The following SIPA1L1 variants were observed in gnomAD, a reference collection of about 807,000 sequenced individuals.
The protein encoded by SIPA1L1 is signal induced proliferation associated 1 like 1.
In SIPA1L1, 26 loss-of-function variants were observed where a neutral mutation model predicts 162.7. The observed-to-expected ratio is 0.16, with a 90% CI of 0.12 to 0.22. The LOEUF is 0.22. SIPA1L1 is among the 10% of genes least tolerant of loss of function. The probability of loss-of-function intolerance (pLI) is 1.00; values close to 1 mark genes in which losing one functional copy is unlikely to be tolerated. For synonymous variants in SIPA1L1, 829 were observed against 837.4 expected, an observed-to-expected ratio of 0.99 and a Z score of 0.17; for missense variants, 1,874 against 2,241.0, an observed-to-expected ratio of 0.84 and a Z score of 3.31.
intron 5 of SIPA1L1, among the ~76,000 whole-genome samples, chr14:71,591,573 C>G (rs2035398726): frequency 6.6e-6 from 1 of 152,078 alleles, no homozygotes; most frequent in African/African-American, 2.4e-5. Flanking sequence ...ACCCTTTTAC[C>G]CAGCATAATT....
chr14:71,707,499 C>T (rs1875584675), intron 16 of SIPA1L1, among the ~76,000 whole-genome samples: 1 of 152,124 alleles, frequency 6.6e-6, no homozygotes, highest in African/African-American at 2.4e-5. Flanking sequence ...AGACAGTCAC[C>T]AGTTTCTCTC....
chr14:71,340,722 C>T (rs566944475), intron 2 of SIPA1L1, among the ~76,000 whole-genome samples: 1 of 152,078 alleles, frequency 6.6e-6, no homozygotes, highest in South Asian at 2.1e-4. Context: ...TTGATGTTAC[C>T]TGAGGTCAGG....
intron 2 of SIPA1L1, among the ~76,000 whole-genome samples, chr14:71,460,921 A>G (rs774817529): frequency 2.4e-4 from 36 of 152,328 alleles, no homozygotes; most frequent in Middle Eastern, 3.4e-3. Context: ...CCACCGTTCT[A>G]TCAATCCAGC....
intron 2 of SIPA1L1, among the ~76,000 whole-genome samples, chr14:71,491,810 A>ACC (rs2049295832): frequency 7.8e-6 from 1 of 128,224 alleles, no homozygotes; most frequent in Non-Finnish European, 1.7e-5. Flanking sequence ...ACACACACAC[A>ACC]CACCCCTTCC....
chr14:71,426,613 C>A (rs567492735), intron 2 of SIPA1L1, among the ~76,000 whole-genome samples: 1 of 151,964 alleles, frequency 6.6e-6, no homozygotes, highest in Non-Finnish European at 1.5e-5. Flanking sequence ...CCTCAGCCTC[C>A]TGAGTAGCTG....
At chr14:71,611,862 A>T (rs895472745) in intron 5 of SIPA1L1, among the ~76,000 whole-genome samples, 4 of 152,186 alleles carry the variant, frequency 2.6e-5, no homozygotes, top group African/African-American at 9.7e-5. Flanking sequence ...TGCAATAAAC[A>T]TATGTGTGCA....
At chr14:71,496,148 T>A (rs1471777859) in intron 2 of SIPA1L1, among the ~76,000 whole-genome samples, 2 of 151,900 alleles carry the variant, frequency 1.3e-5, no homozygotes, top group African/African-American at 2.4e-5. Flanking sequence ...ACATGTTGTA[T>A]TTTTGTTTTT....
intron 2 of SIPA1L1, among the ~76,000 whole-genome samples, chr14:71,328,774 A>T (rs2034141645): frequency 6.6e-6 from 1 of 152,194 alleles, no homozygotes; most frequent in South Asian, 2.1e-4. Context: ...CACTTCTTTT[A>T]AAAAAATTGT....
intron 2 of SIPA1L1, among the ~76,000 whole-genome samples, chr14:71,463,087 G>A (rs1280515843): frequency 6.6e-6 from 1 of 152,172 alleles, no homozygotes; most frequent in Non-Finnish European, 1.5e-5. Context: ...TGTCTTCTGC[G>A]CAGGCCAAAT....
rs1367892355 is a variant in SIPA1L1, at chr14:71,672,584, T to C, written c.3066T>C (p.Val1022=). 6.2e-7 allele frequency: 1 copy of C among 1,614,060 alleles called. No individual in the cohort carries two copies. The highest frequency in any genetic ancestry group is 1.3e-5 in the African/African-American group (1 of 74,954). Residue 1022 remains valine, a synonymous_variant, in exon 12 of 24, where the codon GTT becomes GTC. Coordinates refer to ENST00000381232, the MANE Select transcript of SIPA1L1 (RefSeq NM_001386936.1). ...DLLRTSVTVK[V]VIIPPHDDCT... ...TGAGAACATCTGTCACGGTGAAGGT[T>C]GTCATCATTCCCCCGCATGATGACT...
intron 2 of SIPA1L1, among the ~76,000 whole-genome samples, chr14:71,469,202 G>A (rs1461768808): frequency 1.3e-5 from 2 of 151,194 alleles, no homozygotes; most frequent in Non-Finnish European, 3.0e-5. Context: ...GTCCACTGGA[G>A]TCTCACCTCC....
At chr14:71,638,254 T>C (rs1351151883) in intron 7 of SIPA1L1, among the ~76,000 whole-genome samples, 1 of 151,914 alleles carries the variant, frequency 6.6e-6, no homozygotes, top group Non-Finnish European at 1.5e-5. Context: ...AGAAAACTAC[T>C]GACCACATCC....
At chr14:71,448,662 C>G (rs1446274136) in intron 2 of SIPA1L1, 1 of 151,228 alleles carries the variant, frequency 6.6e-6, no homozygotes, top group African/African-American at 2.4e-5. Context: ...CTCTTCATAA[C>G]AGCCTGCATT....
At chr14:71,412,507 C>G (rs2042476706) in intron 2 of SIPA1L1, among the ~76,000 whole-genome samples, 1 of 152,124 alleles carries the variant, frequency 6.6e-6, no homozygotes, top group Non-Finnish European at 1.5e-5. Flanking sequence ...TCTTACCGAG[C>G]TCTGTTCTAC....
intron 2 of SIPA1L1, among the ~76,000 whole-genome samples, chr14:71,439,217 A>C (rs1469458745): frequency 6.6e-6 from 1 of 152,228 alleles, no homozygotes; most frequent in East Asian, 1.9e-4. Flanking sequence ...ATTAAACCCA[A>C]GCCTCTTTTT....
At chr14:71,584,963 T>A (rs2034398632) in intron 4 of SIPA1L1, among the ~76,000 whole-genome samples, 1 of 152,314 alleles carries the variant, frequency 6.6e-6, no homozygotes, top group Middle Eastern at 3.4e-3. Flanking sequence ...CAGTCAACCC[T>A]AAGGAATAGA....
chr14:71,379,931 A>G (rs2039753669), intron 2 of SIPA1L1, among the ~76,000 whole-genome samples: 1 of 152,136 alleles, frequency 6.6e-6, no homozygotes, highest in African/African-American at 2.4e-5. Context: ...ATGATTAGCT[A>G]TTTTTTGTGT....
In SIPA1L1 at chr14:71,409,304, C is replaced by T. The variant is rs147517410; in HGVS notation, c.-465+88123C>T. Among the ~76,000 whole-genome samples the T allele has an allele frequency of 1.5e-3, 227 of 152,016 alleles. 1 individual carries two copies. The highest frequency in any genetic ancestry group is 2.5e-3 in the Non-Finnish European group (170 of 67,986). ...GGTGTGGGGTTGAAGATTTTTTTTC[C>T]GTGGTGTGGCTAGAGTAGAGTGGTT... is the stretch of plus-strand genomic sequence containing the variant. On this transcript the variant is annotated intron_variant, in intron 2 of 23. Transcript: ENST00000381232.
chr14:71,661,174 A>T, intron 9 of SIPA1L1, 136 bp from the exon 10 acceptor site: 1 of 790,304 alleles, frequency 1.3e-6, no homozygotes, highest in Non-Finnish European at 2.0e-6. Context: ...AAACATTGAC[A>T]GTACCTGTGT....
Sources: allele counts gnomAD v4.1 joint callset (sites outside exome capture counted in the v4.1 genomes callset), GRCh38; gene constraint gnomAD v4.1.1; transcripts MANE v1.5; gene names NCBI Gene and HGNC (gene_info 2026-07-23, HGNC 2026-07-21).